The following NOSTRIN variants were observed in gnomAD, a reference collection of about 807,000 sequenced individuals.
The protein encoded by NOSTRIN is BM247 homolog.
A neutral mutation model predicts 59.0 loss-of-function variants in NOSTRIN; 63 were observed. The observed-to-expected ratio is 1.07, with a 90% CI of 0.87 to 1.32. The LOEUF (loss-of-function observed/expected upper bound fraction) is 1.32. Ranked by LOEUF, NOSTRIN falls within the 40% of genes most tolerant of loss-of-function variation. NOSTRIN has a pLI of 0.00. For synonymous variants in NOSTRIN, 200 were observed against 165.4 expected, an observed-to-expected ratio of 1.21 and a Z score of -1.61; for missense variants, 512 against 473.1, an observed-to-expected ratio of 1.08 and a Z score of -0.76.
At chr2:168,863,250 A>AGAT in intron 15 of NOSTRIN, 1 of 248,590 alleles carries the variant, frequency 4.0e-6, no homozygotes, top group Non-Finnish European at 6.4e-6. Context: ...TCTTGTTAAT[A>AGAT]GATTATGTCA....
intron 5 of NOSTRIN, among the ~76,000 whole-genome samples, chr2:168,829,307 T>C (rs1687233502): frequency 6.6e-6 from 1 of 151,832 alleles, no homozygotes; most frequent in Non-Finnish European, 1.5e-5. Context: ...TCTCTTTCTT[T>C]TTTTTTCTCT....
chr2:168,839,138 A>C (rs1266411326), intron 7 of NOSTRIN, among the ~76,000 whole-genome samples: 1 of 152,024 alleles, frequency 6.6e-6, no homozygotes, highest in East Asian at 1.9e-4. Flanking sequence ...GAACCTTGCC[A>C]ATCTCTTCAA....
intron 2 of NOSTRIN, among the ~76,000 whole-genome samples, chr2:168,821,278 G>A (rs1385866252): frequency 6.6e-6 from 1 of 152,252 alleles, no homozygotes; most frequent in African/African-American, 2.4e-5. Context: ...CTTGACAGCA[G>A]TGTGCTCTAA....
At chr2:168,856,523 C>G (rs775047793) in intron 11 of NOSTRIN, 167 bp from the exon 12 acceptor site, 1 of 597,130 alleles carries the variant, frequency 1.7e-6, no homozygotes, top group Non-Finnish European at 3.0e-6. Flanking sequence ...TGCAGTGAGC[C>G]GAGATCGCGC....
intron 5 of NOSTRIN, among the ~76,000 whole-genome samples, chr2:168,829,762 CTGTT>C (rs1212014287): frequency 6.6e-6 from 1 of 152,102 alleles, no homozygotes; most frequent in African/African-American, 2.4e-5. Flanking sequence ...GTTATGGTCA[CTGTT>C]TGTTTCATGA....
At chr2:168,834,541 A>ACACACACACACACC (rs58702721) in intron 7 of NOSTRIN, among the ~76,000 whole-genome samples, 3,361 of 138,980 alleles carry the variant, frequency 0.024, 49 homozygotes, top group Non-Finnish European at 0.028. Flanking sequence ...ACACACACAC[A>ACACACACACACACC]CCACATACAT....
At chr2:168,837,172 TCCCATCTTGCA>T (rs373136919) in intron 7 of NOSTRIN, among the ~76,000 whole-genome samples, 2 of 152,014 alleles carry the variant, frequency 1.3e-5, no homozygotes, top group African/African-American at 4.8e-5. Context: ...TGCATCTTCC[TCCCATCTTGCA>T]AGAGTAAAGA....
intron 6 of NOSTRIN, among the ~76,000 whole-genome samples, chr2:168,833,945 T>A (rs1348664461): frequency 6.6e-6 from 1 of 152,184 alleles, no homozygotes; most frequent in Admixed American, 6.5e-5. Flanking sequence ...TTTGATGATT[T>A]AGCAAAATTC....
chr2:168,795,227 C>T (rs1685449457), upstream of NOSTRIN, among the ~76,000 whole-genome samples: 1 of 152,176 alleles, frequency 6.6e-6, no homozygotes, highest in Admixed American at 6.5e-5. Context: ...TCATAATGTG[C>T]CCTGGAGACT....
chr2:168,830,866 C>G (rs1390007526), intron 5 of NOSTRIN, among the ~76,000 whole-genome samples: 1 of 152,200 alleles, frequency 6.6e-6, no homozygotes, highest in African/African-American at 2.4e-5. Context: ...GCAACAATAT[C>G]AGCTCATGCA....
chr2:168,834,792 C>T (rs1218276983), intron 7 of NOSTRIN, among the ~76,000 whole-genome samples: 2 of 151,892 alleles, frequency 1.3e-5, no homozygotes, highest in African/African-American at 2.4e-5. Flanking sequence ...TTAAAAAAAC[C>T]TCTCAGCTAA....
chr2:168,798,102 T>C (rs1270316625), upstream of NOSTRIN: 1 of 152,316 alleles, frequency 6.6e-6, no homozygotes, highest in East Asian at 1.9e-4. Context: ...TAGTCATAAA[T>C]ACTTATTTGT....
intron 7 of NOSTRIN, among the ~76,000 whole-genome samples, chr2:168,839,884 C>CAAAAA (rs58341006): frequency 0.019 from 596 of 30,934 alleles, 19 homozygotes; most frequent in African/African-American, 0.061. Context: ...GACTCCGTCT[C>CAAAAA]AAAAAAAAAA....
intron 2 of NOSTRIN, among the ~76,000 whole-genome samples, chr2:168,789,984 T>C (rs560809875): frequency 4.6e-5 from 7 of 152,312 alleles, no homozygotes; most frequent in African/African-American, 1.7e-4. Context: ...CGCTGGTTTT[T>C]AGTCAGGCCA....
chr2:168,813,458 A>G (rs1232161044), intron 2 of NOSTRIN, among the ~76,000 whole-genome samples: 1 of 152,074 alleles, frequency 6.6e-6, no homozygotes, highest in Non-Finnish European at 1.5e-5. Flanking sequence ...TTTTTTCTAG[A>G]TCACTCCATA....
At chr2:168,825,080 A>C (rs1686985986) in intron 3 of NOSTRIN, among the ~76,000 whole-genome samples, 1 of 152,314 alleles carries the variant, frequency 6.6e-6, no homozygotes, top group Non-Finnish European at 1.5e-5. Flanking sequence ...AAAAATAGTA[A>C]AAAGTGACAT....
chr2:168,862,498 A>G (rs1243706702), intron 15 of NOSTRIN, among the ~76,000 whole-genome samples: 1 of 152,042 alleles, frequency 6.6e-6, no homozygotes, highest in Non-Finnish European at 1.5e-5. Flanking sequence ...ATTTTTTAGA[A>G]GCTAGACATT....
At chr2:168,855,201 T>C (rs1397339831) in intron 10 of NOSTRIN, 151 bp from the exon 11 acceptor site, 1 of 475,004 alleles carries the variant, frequency 2.1e-6, no homozygotes, top group African/African-American at 2.0e-5. Flanking sequence ...GGTAGAACAA[T>C]GTGTGTAAAA....
Position 168,851,381 on chromosome 2 carries a change from G to A in NOSTRIN, c.832G>A (p.Glu278Lys), listed in dbSNP as rs1371830331. 2 of 1,611,984 alleles carry A rather than the reference G, an allele frequency of 1.2e-6. No homozygotes were observed. Among genetic ancestry groups the A allele is most frequent in the South Asian group, 2.2e-5 (2 of 90,256 alleles). The change falls in exon 10 of 16, where the codon GAG (glutamate) becomes AAG (lysine). Residue 278 changes from glutamate (E) to lysine (K), a missense_variant. Transcript: ENST00000317647. ...TAILSTENKS[E>K]FLLTDYFEED... ...AATTTTATCTACAGAAAACAAATCT[G>A]AGTTCCTGTTAACGGATTACTTTGT...
Sources: gnomAD v4.1 joint callset for allele counts (sites outside exome capture counted in the v4.1 genomes callset) on GRCh38, gnomAD v4.1.1 for gene constraint, MANE v1.5 for transcripts, NCBI Gene and HGNC (gene_info 2026-07-23, HGNC 2026-07-21) for gene names.